The following MME variants were observed in gnomAD, a reference collection of about 807,000 sequenced individuals.
MME encodes the protein membrane metalloendopeptidase, also known as neprilysin.
A neutral mutation model predicts 113.2 loss-of-function variants in MME; 98 were observed. The ratio of observed to expected loss-of-function variants is 0.87; its 90% CI spans 0.74 to 1.02. The LOEUF is 1.02. Ranked by LOEUF, MME falls within the 50% of genes least tolerant of loss-of-function variation. The pLI is 0.00. For synonymous variants in MME, 292 were observed against 300.6 expected (o/e 0.97, Z 0.30); for missense variants, 836 against 896.0 (o/e 0.93, Z 0.86).
chr3:155,136,192 G>T (rs1228131613), intron 8 of MME, among the ~76,000 whole-genome samples: 1 of 152,132 alleles, frequency 6.6e-6, no homozygotes, highest in Admixed American at 6.6e-5. Context: ...GAATAGGAGT[G>T]GGGAGAATGG....
intron 3 of MME, among the ~76,000 whole-genome samples, chr3:155,089,555 C>T (rs191528381): frequency 5.3e-5 from 8 of 152,340 alleles, no homozygotes; most frequent in Admixed American, 5.2e-4. Flanking sequence ...TAAATGTCCC[C>T]TGCAGGCAGC....
chr3:155,115,286 G>C (rs1718507603), intron 4 of MME, 131 bp downstream of exon 4: 1 of 1,092,982 alleles, frequency 9.1e-7, no homozygotes, highest in South Asian at 1.4e-5. Context: ...CAGGATTTGT[G>C]TACCACCACC....
At chr3:155,113,515 T>C (rs1305840845) in intron 3 of MME, among the ~76,000 whole-genome samples, 1 of 152,146 alleles carries the variant, frequency 6.6e-6, no homozygotes, top group East Asian at 1.9e-4. Flanking sequence ...CCCAAAGTGC[T>C]GGAATTACAG....
At chr3:155,026,260 G>A (rs564938066) in intron 1 of MME, among the ~76,000 whole-genome samples, 65 of 152,148 alleles carry the variant, frequency 4.3e-4, no homozygotes, top group African/African-American at 1.5e-3. Context: ...ATTCATTGAG[G>A]CCCTCACAAC....
chr3:155,039,525 A>G (rs1356692319), intron 1 of MME, among the ~76,000 whole-genome samples: 1 of 152,176 alleles, frequency 6.6e-6, no homozygotes, highest in African/African-American at 2.4e-5. Flanking sequence ...TTTTTTTCTA[A>G]TAACATAGTT....
rs150360396 is a variant in MME, at chr3:155,167,550, C to T, written c.1780+529C>T. On this transcript the variant is annotated intron_variant, in intron 18 of 22. Coordinates refer to ENST00000360490, the MANE Select transcript of MME (RefSeq NM_007289.4). ...AATCAATTTAGAGTTTCAATCAAAG[C>T]TGAATTCCTGAGAGGAATAAAGACG... 5.8e-3 allele frequency among the ~76,000 whole-genome samples: 878 copies of T among 152,062 alleles called. 12 individuals are homozygous for T. Among genetic ancestry groups the T allele is most frequent in the African/African-American group, 0.02 (843 of 41,476 alleles).
intron 4 of MME, among the ~76,000 whole-genome samples, chr3:155,115,375 C>CAAAT (rs1189645898): frequency 2.0e-5 from 3 of 152,112 alleles, no homozygotes; most frequent in Non-Finnish European, 4.4e-5. Context: ...TGTAGGTATG[C>CAAAT]AAATAATAAA....
Position 155,160,490 on chromosome 3 carries a change from G to A in MME, c.1660+42G>A, listed in dbSNP as rs201764983. On this transcript the variant is annotated intron_variant, in intron 17 of 22. Coordinates refer to ENST00000360490, the MANE Select transcript of MME (RefSeq NM_007289.4). Reference sequence around the variant, plus strand: ...AATAATTATTTAATATTTCTCTATCGTTCCCAACCTGTAGTGCATTGTATG... The same window carrying A: ...AATAATTATTTAATATTTCTCTATCATTCCCAACCTGTAGTGCATTGTATG... 335 of 1,349,052 alleles carry A rather than the reference G, an allele frequency of 2.5e-4. 1 individual carries two copies. In the African/African-American group the frequency reaches 3.1e-3, roughly 13 times the overall value. The allele number at this position is 1,349,052 out of a possible 1,614,324, so 83.6% of individuals were successfully genotyped here.
At chr3:155,024,278 T>C (rs1202736323) in exon 1 of MME, 1 of 152,200 alleles carries the variant, frequency 6.6e-6, no homozygotes, top group African/African-American at 2.4e-5. Context: ...CCCAAGGGTG[T>C]ACAGCATATG....
At chr3:155,134,038 T>A (rs12635515) in intron 8 of MME, among the ~76,000 whole-genome samples, 11 of 151,608 alleles carry the variant, frequency 7.3e-5, no homozygotes, top group Admixed American at 3.9e-4. Context: ...ACAAAAATTC[T>A]GATTACCTTA....
intron 18 of MME, among the ~76,000 whole-genome samples, 173 bp from the exon 19 acceptor site, chr3:155,168,319 C>A (rs1400188905): frequency 1.3e-5 from 2 of 152,198 alleles, no homozygotes; most frequent in Non-Finnish European, 2.9e-5. Context: ...AAAGCTCTGG[C>A]AGTCCAGGCT....
At chr3:155,146,821 A>G (rs987585263) in intron 14 of MME, among the ~76,000 whole-genome samples, 2 of 150,538 alleles carry the variant, frequency 1.3e-5, no homozygotes, top group African/African-American at 4.9e-5. Flanking sequence ...TAAAAAATTG[A>G]AAAAAAAAGC....
intron 17 of MME, 39 bp downstream of exon 17, chr3:155,160,487 A>G (rs755047901): frequency 1.4e-6 from 2 of 1,385,156 alleles, no homozygotes; most frequent in Non-Finnish European, 2.1e-6. Context: ...ATATTTCTCT[A>G]TCGTTCCCAA....
chr3:155,101,802 T>C (rs1717252221), intron 3 of MME, among the ~76,000 whole-genome samples: 1 of 152,078 alleles, frequency 6.6e-6, no homozygotes, highest in African/African-American at 2.4e-5. Flanking sequence ...TGGTCCTTTA[T>C]AGTTTAACTA....
intron 1 of MME, among the ~76,000 whole-genome samples, chr3:155,074,452 G>C (rs1239967794): frequency 6.7e-6 from 1 of 150,142 alleles, no homozygotes; most frequent in Non-Finnish European, 1.5e-5. Flanking sequence ...TTTTTTTTGA[G>C]ACAGAGTCTC....
At chr3:155,114,565 G>C (rs868392527) in intron 3 of MME, among the ~76,000 whole-genome samples, 2 of 152,200 alleles carry the variant, frequency 1.3e-5, no homozygotes, top group Non-Finnish European at 2.9e-5. Flanking sequence ...CCATGGCTTG[G>C]AGTCTCAGAG....
chr3:155,115,288 A>G, intron 4 of MME, 133 bp downstream of exon 4: 1 of 1,070,280 alleles, frequency 9.3e-7, no homozygotes, highest in Admixed American at 2.0e-5. Context: ...GGATTTGTGT[A>G]CCACCACCAA....
chr3:155,144,399 A>G lies in MME; in HGVS notation c.1358A>G (p.Gln453Arg). ...LIAQIREVFIQTLDDLTWMDA... is the reference protein window; with the variant it reads ...LIAQIREVFIRTLDDLTWMDA... ...GCACAGATCCGAGAAGTTTTTATTC[A>G]GACTTTAGATGACCTCACTTGGATG... Residue 453 changes from glutamine to arginine, a missense_variant, in exon 14 of 23, where the codon CAG (glutamine) becomes CGG (arginine). Transcript: ENST00000360490. 6.2e-7 allele frequency: 1 copy of G among 1,613,308 alleles called. No homozygotes were observed. The highest frequency in any genetic ancestry group is 8.5e-7 in the Non-Finnish European group (1 of 1,179,468).
At chr3:155,131,884 T>C (rs1720176271) in intron 8 of MME, among the ~76,000 whole-genome samples, 1 of 152,186 alleles carries the variant, frequency 6.6e-6, no homozygotes, top group Non-Finnish European at 1.5e-5. Context: ...TTCTAAGCTT[T>C]TTTGGTAGGA....
Sources: gnomAD v4.1 joint callset for allele counts (sites outside exome capture counted in the v4.1 genomes callset) on GRCh38, gnomAD v4.1.1 for gene constraint, MANE v1.5 for transcripts, NCBI Gene and HGNC (gene_info 2026-07-23, HGNC 2026-07-21) for gene names.